Variants in MTA3 observed in about 807,000 individuals in gnomAD.
MTA3 encodes metastasis-associated protein MTA3.
MTA3 carries 34 observed loss-of-function variants against 83.5 expected under a neutral mutation model. The ratio of observed to expected loss-of-function variants is 0.41; its 90% CI spans 0.31 to 0.54. The LOEUF is 0.54. Among genes scored for constraint, MTA3 ranks in the 20% least tolerant of loss-of-function variants. MTA3 has a pLI of 0.33. For synonymous variants in MTA3, 303 were observed against 252.7 expected, an observed-to-expected ratio of 1.20 and a Z score of -1.89; for missense variants, 761 against 726.4, an observed-to-expected ratio of 1.05 and a Z score of -0.55.
At chr2:42,624,762 T>C (rs980058805) in intron 4 of MTA3, among the ~76,000 whole-genome samples, 11 of 152,250 alleles carry the variant, frequency 7.2e-5, no homozygotes, top group Non-Finnish European at 1.5e-4. Flanking sequence ...AGACACTTGA[T>C]ACATGATCTT....
chr2:42,617,799 G>A (rs570217852), intron 4 of MTA3, among the ~76,000 whole-genome samples: 1 of 151,656 alleles, frequency 6.6e-6, no homozygotes, highest in South Asian at 2.1e-4. Flanking sequence ...AAAAAAATGC[G>A]TAAAATAAAA....
At chr2:42,531,536 T>G (rs1675968618) in intron 2 of MTA3, among the ~76,000 whole-genome samples, 1 of 129,320 alleles carries the variant, frequency 7.7e-6, no homozygotes, top group Admixed American at 9.5e-5. Flanking sequence ...CACCGCAACC[T>G]CTGCCTCCCG....
At chr2:42,669,957 G>T (rs1281679094) in intron 8 of MTA3, among the ~76,000 whole-genome samples, 1 of 152,158 alleles carries the variant, frequency 6.6e-6, no homozygotes, top group Non-Finnish European at 1.5e-5. Flanking sequence ...TTAGTGGAAG[G>T]CTTGTGGTTA....
chr2:42,574,625 G>A lies in MTA3; in HGVS notation c.96+4121G>A, dbSNP rs555574091. 2.0e-5 allele frequency among the ~76,000 whole-genome samples: 3 copies of A among 151,000 alleles called. No homozygotes were observed. The East Asian group carries it at 5.9e-4, about 30-fold the overall frequency. On this transcript the variant is annotated intron_variant, in intron 2 of 16. Transcript: ENST00000405094. ...CTAATTTTTTTGTATTTTTAGTGAAGACAGGGTTTCACCATGTTGGCCAGG... is the reference window on the plus strand; with the variant it reads ...CTAATTTTTTTGTATTTTTAGTGAAAACAGGGTTTCACCATGTTGGCCAGG...
At chr2:42,637,161 T>G (rs1166714357) in intron 4 of MTA3, among the ~76,000 whole-genome samples, 3 of 152,210 alleles carry the variant, frequency 2.0e-5, no homozygotes, top group Non-Finnish European at 4.4e-5. Flanking sequence ...CAGATTATAC[T>G]TTGAAAACCT....
At chr2:42,548,829 AATATATATATATATATAATATATATATAT>A (rs1676895506) in intron 2 of MTA3, among the ~76,000 whole-genome samples, 1 of 8,594 alleles carries the variant, frequency 1.2e-4, no homozygotes, top group East Asian at 3.4e-3. Flanking sequence ...ATATATATAT[AATATATATATATATATAATATATATATAT>A]AATATATATA....
At chr2:42,631,490 C>T (rs530205407) in intron 4 of MTA3, among the ~76,000 whole-genome samples, 2 of 152,032 alleles carry the variant, frequency 1.3e-5, no homozygotes, top group African/African-American at 4.8e-5. Context: ...GTCTCAAGTA[C>T]TTGTGTGTGT....
chr2:42,571,266 G>A (rs1678447440), intron 2 of MTA3, among the ~76,000 whole-genome samples: 1 of 151,656 alleles, frequency 6.6e-6, no homozygotes, highest in South Asian at 2.1e-4. Context: ...AGGCATGGTG[G>A]CATGCACCTG....
chr2:42,679,360 A>C (rs2104429239), intron 8 of MTA3, among the ~76,000 whole-genome samples: 1 of 152,260 alleles, frequency 6.6e-6, no homozygotes, highest in Admixed American at 6.5e-5. Context: ...TTCTGTTTAA[A>C]GTTATATAAG....
intron 2 of MTA3, among the ~76,000 whole-genome samples, chr2:42,501,157 G>A (rs1344599726): frequency 6.6e-6 from 1 of 152,138 alleles, no homozygotes; most frequent in Non-Finnish European, 1.5e-5. Context: ...GAAGTAACCA[G>A]CTAAAGGAAA....
At chr2:42,561,541 T>C (rs1003594934) in intron 2 of MTA3, among the ~76,000 whole-genome samples, 29 of 152,230 alleles carry the variant, frequency 1.9e-4, no homozygotes, top group African/African-American at 6.7e-4. Flanking sequence ...CAGGCTGGTC[T>C]CAAACTCCTG....
At position 42,640,169 on chromosome 2, in the gene MTA3, A is replaced by C. The variant is rs1381577046; in HGVS notation, c.318-4A>C. On this transcript the variant is annotated splice_polypyrimidine_tract_variant and splice_region_variant and intron_variant, in intron 4 of 16. Transcript: ENST00000405094. ...ACATTTATTCTTTTTTTCTTTTTCA[A>C]CAGGGGAAAGTGCAGTGTTGCCCTT... 1 of 1,599,640 alleles carries C rather than the reference A, an allele frequency of 6.3e-7. No homozygotes were observed. Among genetic ancestry groups the C allele is most frequent in the African/African-American group, 1.3e-5 (1 of 74,686 alleles).
At chr2:42,631,632 A>G (rs1226568242) in intron 4 of MTA3, among the ~76,000 whole-genome samples, 1 of 152,182 alleles carries the variant, frequency 6.6e-6, no homozygotes, top group African/African-American at 2.4e-5. Flanking sequence ...CCCCTCAAGC[A>G]TTCATACTTT....
intron 4 of MTA3, among the ~76,000 whole-genome samples, chr2:42,611,409 G>C (rs1403239616): frequency 6.6e-6 from 1 of 151,800 alleles, no homozygotes; most frequent in Non-Finnish European, 1.5e-5. Flanking sequence ...AATGGACCCA[G>C]AGATCTTCCA....
chr2:42,548,861 T>TAATATATATATATA (rs1275750860), intron 2 of MTA3, among the ~76,000 whole-genome samples: 7 of 7,488 alleles, frequency 9.3e-4, no homozygotes, highest in African/African-American at 3.5e-3. Context: ...ATATATATAA[T>TAATATATATATATA]ATATATATAT....
At chr2:42,623,657 A>G (rs571662988) in intron 4 of MTA3, among the ~76,000 whole-genome samples, 28 of 139,978 alleles carry the variant, frequency 2.0e-4, no homozygotes, top group African/African-American at 7.1e-4. Flanking sequence ...TCCCCATGGT[A>G]TTTTACCATG....
intron 2 of MTA3, among the ~76,000 whole-genome samples, chr2:42,527,281 A>G (rs950133973): frequency 1.3e-5 from 2 of 152,166 alleles, no homozygotes; most frequent in Admixed American, 6.6e-5. Context: ...GCATCACCCA[A>G]TTGGAACTAA....
intron 9 of MTA3, among the ~76,000 whole-genome samples, chr2:42,693,110 C>G (rs2104464305): frequency 6.6e-6 from 1 of 152,292 alleles, no homozygotes. Flanking sequence ...CTCTTCCCCT[C>G]CCCCTCCTTC....
At chr2:42,549,245 A>T (rs1676959057) in intron 2 of MTA3, among the ~76,000 whole-genome samples, 2 of 131,594 alleles carry the variant, frequency 1.5e-5, no homozygotes, top group South Asian at 4.4e-4. Context: ...ATACGTATAT[A>T]ATATATTATA....
Sources: gnomAD v4.1 joint callset for allele counts (sites outside exome capture counted in the v4.1 genomes callset) on GRCh38, gnomAD v4.1.1 for gene constraint, MANE v1.5 for transcripts, NCBI Gene and HGNC (gene_info 2026-07-23, HGNC 2026-07-21) for gene names.